ZFHX3: variants seen among roughly 807,000 people sequenced by gnomAD.
ZFHX3 encodes the protein zinc finger homeobox protein 3.
Under a neutral mutation model 279.1 loss-of-function variants are expected in ZFHX3, and 42 were observed. That is an observed-to-expected ratio of 0.15 (90% CI 0.12 to 0.19). The LOEUF is 0.19. ZFHX3 is among the 10% of genes least tolerant of loss of function. The probability of loss-of-function intolerance (pLI) is 1.00; values close to 1 mark genes in which losing one functional copy is unlikely to be tolerated. For missense variants in ZFHX3, 4,981 were observed against 4,754.0 expected (o/e 1.05, Z -1.40); for synonymous variants, 2,293 against 1,957.8 (o/e 1.17, Z -4.52).
chr16:73,200,136 A>C (rs1968238905), intron 5 of ZFHX3, among the ~76,000 whole-genome samples: 1 of 152,206 alleles, frequency 6.6e-6, no homozygotes, highest in South Asian at 2.1e-4. Context: ...AAAACATACC[A>C]GTGTTATGAA....
intron 3 of ZFHX3, among the ~76,000 whole-genome samples, chr16:73,337,038 C>T (rs989525225): frequency 2.0e-5 from 3 of 152,130 alleles, no homozygotes; most frequent in Admixed American, 1.3e-4. Context: ...GCCAAAGGGA[C>T]CTCCCAAAAG....
chr16:72,787,712 CGCCGCCACCGCCGCCGCCGCCGCCACT>C lies in ZFHX3; in HGVS notation c.10537_10563del (p.Ser3513_Gly3521del). On this transcript the variant is annotated inframe_deletion, in exon 10 of 10. Transcript: ENST00000268489. ...TGGTACGAGCCGCCGCCGCCGCCGC[CGCCGCCACCGCCGCCGCCGCCGCCACT>C]GCCACCGCCGCCGCCGCCGGTGGGG... is the stretch of plus-strand genomic sequence containing the variant. 5 of 1,383,642 alleles carry C rather than the reference CGCCGCCACCGCCGCCGCCGCCGCCACT, an allele frequency of 3.6e-6. 1 individual carries two copies. The highest frequency in any genetic ancestry group is 5.6e-5 in the East Asian group (2 of 35,542). The allele number at this position is 1,383,642 out of a possible 1,614,324, so 85.7% of individuals were successfully genotyped here.
intron 7 of ZFHX3, among the ~76,000 whole-genome samples, chr16:73,124,381 A>C (rs927062465): frequency 1.3e-5 from 2 of 152,086 alleles, no homozygotes; most frequent in Non-Finnish European, 2.9e-5. Context: ...TAAGATCACT[A>C]ATTCCATTCA....
intron 3 of ZFHX3, among the ~76,000 whole-genome samples, chr16:72,927,531 A>G (rs1045160730): frequency 6.6e-5 from 10 of 152,074 alleles, no homozygotes; most frequent in African/African-American, 2.4e-4. Flanking sequence ...ATTTGGGGGA[A>G]CGTTCAGCCA....
rs553512498 is a variant in ZFHX3, at chr16:73,505,615, G to T, written c.-1546-49357C>A. On this transcript the variant is annotated intron_variant, in intron 2 of 17. Transcript: ENST00000641206. ...AAAATCAGAAGCCCAGCAAAGTCAG[G>T]GTAAGAATGAAACAATTCTGGTCTA... is the stretch of plus-strand genomic sequence containing the variant. Among the ~76,000 whole-genome samples the T allele has an allele frequency of 8.4e-4, 127 of 151,858 alleles. 1 individual carries two copies. The highest frequency in any genetic ancestry group is 2.9e-3 in the African/African-American group (120 of 41,438).
intron 1 of ZFHX3, among the ~76,000 whole-genome samples, chr16:73,022,351 T>C (rs1238885121): frequency 6.6e-6 from 1 of 151,970 alleles, no homozygotes; most frequent in Non-Finnish European, 1.5e-5. Context: ...GGCAGGCAGA[T>C]GGTGAAAGGC....
intron 2 of ZFHX3, among the ~76,000 whole-genome samples, chr16:73,566,549 T>A (rs1003731493): frequency 1.3e-5 from 2 of 152,208 alleles, no homozygotes; most frequent in Non-Finnish European, 2.9e-5. Context: ...CCAATCTTTC[T>A]GCTTTTATGT....
intron 2 of ZFHX3, among the ~76,000 whole-genome samples, chr16:73,478,396 C>T (rs556101793): frequency 7.2e-5 from 11 of 152,190 alleles, no homozygotes; most frequent in Admixed American, 2.0e-4. Flanking sequence ...AGGCTTCTTC[C>T]CTGCTAGTTT....
chr16:73,227,506 A>G (rs560693387), intron 5 of ZFHX3, among the ~76,000 whole-genome samples: 10 of 152,200 alleles, frequency 6.6e-5, no homozygotes, highest in Middle Eastern at 6.8e-3. Context: ...AAAGGAATTG[A>G]TTTGGTCATA....
intron 5 of ZFHX3, among the ~76,000 whole-genome samples, chr16:73,251,912 C>CCA (rs1217870742): frequency 5.1e-5 from 4 of 77,674 alleles, no homozygotes; most frequent in East Asian, 5.8e-4. Flanking sequence ...CACACACACA[C>CCA]CACACACACA....
At chr16:73,445,579 C>G (rs983165329) in intron 3 of ZFHX3, among the ~76,000 whole-genome samples, 4 of 152,130 alleles carry the variant, frequency 2.6e-5, no homozygotes, top group Admixed American at 2.6e-4. Flanking sequence ...TCTACCCAGA[C>G]GCAAGATGCC....
intron 2 of ZFHX3, among the ~76,000 whole-genome samples, chr16:73,558,709 C>CTTTTTTTTTT (rs989644068): frequency 1.1e-5 from 1 of 90,478 alleles, no homozygotes; most frequent in Non-Finnish European, 2.1e-5. Flanking sequence ...GAAAATGACT[C>CTTTTTTTTTT]TTTTTTTTTT....
chr16:73,547,722 T>G (rs1596991762), intron 2 of ZFHX3, among the ~76,000 whole-genome samples: 1 of 152,186 alleles, frequency 6.6e-6, no homozygotes, highest in Non-Finnish European at 1.5e-5. Flanking sequence ...GACATGTCCC[T>G]GATGGACACA....
chr16:73,065,566 G>GGTGT lies in ZFHX3; in HGVS notation c.-532-6558_-532-6555dup, dbSNP rs10540025. Among the ~76,000 whole-genome samples, 368 of 144,686 alleles carry GGTGT rather than the reference G, an allele frequency of 2.5e-3. 1 individual carries two copies. The highest frequency in any genetic ancestry group is 4.6e-3 in the Non-Finnish European group (302 of 66,242). 94.9% of individuals were successfully genotyped at this position (144,686 alleles called of 152,430 possible). A position where few individuals can be genotyped will look rare whatever the true frequency, so the allele number is the denominator to read the frequency against. ...AGTGGGGGACGAACTAGCTTTTCCT[G>GGTGT]GTGTGTGTGTGTGTGTGTGTGTGTG... On this transcript the variant is annotated intron_variant, in intron 8 of 17. Transcript: ENST00000641206.
intron 5 of ZFHX3, among the ~76,000 whole-genome samples, chr16:73,198,528 T>G (rs1354766519): frequency 1.0e-3 from 1 of 1,004 alleles, no homozygotes; most frequent in East Asian, 0.022. Context: ...CTAGCTTTCG[T>G]TGATTATCGA....
intron 4 of ZFHX3, among the ~76,000 whole-genome samples, chr16:72,880,538 T>G (rs183050706): frequency 6.6e-5 from 10 of 152,306 alleles, no homozygotes; most frequent in African/African-American, 2.4e-4. Context: ...ACCTTTAGCG[T>G]CCAGAACTGT....
chr16:72,965,218 G>C (rs1224944073), intron 1 of ZFHX3, among the ~76,000 whole-genome samples: 1 of 152,172 alleles, frequency 6.6e-6, no homozygotes, highest in Non-Finnish European at 1.5e-5. Context: ...GAGAACACTA[G>C]AACATCCCTA....
chr16:73,455,692 A>G (rs932549038), intron 3 of ZFHX3, among the ~76,000 whole-genome samples: 2 of 151,948 alleles, frequency 1.3e-5, no homozygotes, highest in Non-Finnish European at 2.9e-5. Flanking sequence ...TGTCAGGAGA[A>G]ATACACTTGT....
intron 1 of ZFHX3, among the ~76,000 whole-genome samples, chr16:73,792,822 A>G (rs557632477): frequency 1.6e-4 from 25 of 151,520 alleles, no homozygotes; most frequent in African/African-American, 5.1e-4. Flanking sequence ...GTAATGAAAT[A>G]TGACATGTAG....
Sources: allele counts gnomAD v4.1 joint callset (sites outside exome capture counted in the v4.1 genomes callset), GRCh38; gene constraint gnomAD v4.1.1; transcripts MANE v1.5; gene names NCBI Gene and HGNC (gene_info 2026-07-23, HGNC 2026-07-21).